Variants in TMEM131 observed in about 807,000 individuals in gnomAD.
TMEM131 encodes 2610524E03Rik.
Under a neutral mutation model 211.6 loss-of-function variants are expected in TMEM131, and 66 were observed. That is an observed-to-expected ratio of 0.31 (90% CI 0.26 to 0.38). TMEM131 has a LOEUF of 0.38. Among genes scored for constraint, TMEM131 ranks in the 10% least tolerant of loss-of-function variants. The pLI, the probability that TMEM131 is intolerant of heterozygous loss-of-function variation, is 1.00. For missense variants in TMEM131, 2,036 were observed against 2,299.3 expected, an observed-to-expected ratio of 0.89 and a Z score of 2.34; for synonymous variants, 844 against 841.3, an observed-to-expected ratio of 1.00 and a Z score of -0.06.
At chr2:97,955,223 A>G (rs1678513066) in intron 1 of TMEM131, among the ~76,000 whole-genome samples, 1 of 152,226 alleles carries the variant, frequency 6.6e-6, no homozygotes, top group African/African-American at 2.4e-5. Context: ...TAACAAAATC[A>G]TATGATCATG....
At chr2:97,926,879 G>A (rs188782175) in intron 2 of TMEM131, among the ~76,000 whole-genome samples, 96 of 152,210 alleles carry the variant, frequency 6.3e-4, no homozygotes, top group African/African-American at 2.3e-3. Flanking sequence ...AACACACTTA[G>A]GGAATTTTCC....
At chr2:97,769,594 G>A (rs1679365943) in intron 33 of TMEM131, among the ~76,000 whole-genome samples, 1 of 152,160 alleles carries the variant, frequency 6.6e-6, no homozygotes, top group African/African-American at 2.4e-5. Context: ...TGTTATTTAA[G>A]CAGATTTTTA....
At chr2:97,941,576 C>T (rs906653270) in intron 1 of TMEM131, among the ~76,000 whole-genome samples, 1 of 152,192 alleles carries the variant, frequency 6.6e-6, no homozygotes, top group Non-Finnish European at 1.5e-5. Context: ...ATCTACCTAT[C>T]TGACAAAGGG....
chr2:97,968,643 A>C (rs1003730542), intron 1 of TMEM131, among the ~76,000 whole-genome samples: 1 of 152,194 alleles, frequency 6.6e-6, no homozygotes, highest in African/African-American at 2.4e-5. Context: ...TGCACAAAGC[A>C]AGAGTGACTC....
At chr2:97,819,027 C>T (rs1256372981) in intron 11 of TMEM131, among the ~76,000 whole-genome samples, 1 of 152,152 alleles carries the variant, frequency 6.6e-6, no homozygotes, top group African/African-American at 2.4e-5. Flanking sequence ...AAATGAATGC[C>T]TAATTCACAC....
chr2:97,978,179 G>C (rs556702756), intron 1 of TMEM131, among the ~76,000 whole-genome samples: 2 of 152,312 alleles, frequency 1.3e-5, no homozygotes, highest in South Asian at 4.1e-4. Flanking sequence ...ATGCAATGCT[G>C]TTTGACAGCA....
chr2:97,815,939 C>T lies in TMEM131; in HGVS notation c.1184-632G>A, dbSNP rs185966731. On this transcript the variant is annotated intron_variant, in intron 12 of 40. Coordinates refer to ENST00000186436, the MANE Select transcript of TMEM131 (RefSeq NM_015348.2). ...AGAATTCAGAGCTCTTCTCAAAAAC[C>T]AGCCAACCCTAAAACTCATGGTATA... Among the ~76,000 whole-genome samples the T allele has an allele frequency of 6.5e-4, 99 of 152,288 alleles. No individual in the cohort carries two copies. In the East Asian group the frequency reaches 0.012, roughly 18 times the overall value.
chr2:97,839,245 T>C (rs918369314), intron 7 of TMEM131, among the ~76,000 whole-genome samples: 3 of 152,094 alleles, frequency 2.0e-5, no homozygotes, highest in African/African-American at 7.2e-5. Flanking sequence ...AAGGATTGGT[T>C]GAGCCTGGGA....
At chr2:97,990,071 C>T (rs1232657135) in intron 1 of TMEM131, among the ~76,000 whole-genome samples, 2 of 152,200 alleles carry the variant, frequency 1.3e-5, no homozygotes, top group Admixed American at 6.5e-5. Flanking sequence ...TCTAGACTAA[C>T]TCATCACACC....
At chr2:97,932,671 AT>A (rs1677280039) in intron 1 of TMEM131, among the ~76,000 whole-genome samples, 1 of 152,228 alleles carries the variant, frequency 6.6e-6, no homozygotes, top group African/African-American at 2.4e-5. Flanking sequence ...AACTTCAGTT[AT>A]AAAATGTAGA....
At chr2:97,906,021 C>A (rs968724146) in intron 3 of TMEM131, among the ~76,000 whole-genome samples, 1 of 152,154 alleles carries the variant, frequency 6.6e-6, no homozygotes. Flanking sequence ...GAAAGCTGTG[C>A]TTTTGAAGAG....
At chr2:97,786,186 A>G (rs537004064) in intron 31 of TMEM131, among the ~76,000 whole-genome samples, 7 of 152,296 alleles carry the variant, frequency 4.6e-5, no homozygotes, top group Admixed American at 3.3e-4. Context: ...GGTAAAAGGT[A>G]TAAGAGATCT....
intron 2 of TMEM131, among the ~76,000 whole-genome samples, chr2:97,926,924 C>G (rs558933838): frequency 4.6e-5 from 7 of 152,172 alleles, no homozygotes; most frequent in Non-Finnish European, 1.0e-4. Context: ...CCATCCAGAT[C>G]CTATAAACAA....
intron 1 of TMEM131, among the ~76,000 whole-genome samples, chr2:97,972,898 A>T (rs1438200710): frequency 6.6e-6 from 1 of 152,160 alleles, no homozygotes; most frequent in Non-Finnish European, 1.5e-5. Context: ...TCAAGCCAAC[A>T]AATTCTCCCC....
intron 1 of TMEM131, among the ~76,000 whole-genome samples, chr2:97,955,242 T>G (rs1448588364): frequency 1.3e-5 from 2 of 152,148 alleles, no homozygotes; most frequent in Non-Finnish European, 2.9e-5. Flanking sequence ...TGTCAATTGA[T>G]GCAAAAAAAA....
chr2:97,969,674 A>G (rs1228143582), intron 1 of TMEM131, among the ~76,000 whole-genome samples: 1 of 152,228 alleles, frequency 6.6e-6, no homozygotes, highest in Non-Finnish European at 1.5e-5. Flanking sequence ...TATTCCATAC[A>G]TCACTGTACA....
intron 3 of TMEM131, among the ~76,000 whole-genome samples, chr2:97,890,255 A>G (rs1225892167): frequency 6.6e-6 from 1 of 152,202 alleles, no homozygotes; most frequent in Non-Finnish European, 1.5e-5. Context: ...AGTACCAAGG[A>G]AGTTCCTGTA....
chr2:97,901,966 C>T (rs1460122355), intron 3 of TMEM131, among the ~76,000 whole-genome samples: 1 of 152,044 alleles, frequency 6.6e-6, no homozygotes, highest in Non-Finnish European at 1.5e-5. Context: ...GTTCCTAACA[C>T]AAAGAAATGA....
intron 2 of TMEM131, among the ~76,000 whole-genome samples, chr2:97,922,182 G>T (rs1676769750): frequency 6.6e-6 from 1 of 152,140 alleles, no homozygotes. Context: ...CTCATGTGCA[G>T]TTCACAATAG....
Sources: allele counts gnomAD v4.1 joint callset (sites outside exome capture counted in the v4.1 genomes callset), GRCh38; gene constraint gnomAD v4.1.1; transcripts MANE v1.5; gene names NCBI Gene and HGNC (gene_info 2026-07-23, HGNC 2026-07-21).